NUDT9: variants seen among roughly 807,000 people sequenced by gnomAD.
The protein encoded by NUDT9 is ADP-ribose pyrophosphatase.
Under a neutral mutation model 41.0 loss-of-function variants are expected in NUDT9, and 31 were observed. The observed-to-expected ratio is 0.76, with a 90% CI of 0.57 to 1.02. The LOEUF (loss-of-function observed/expected upper bound fraction) is 1.02, where lower values mean the gene tolerates loss of function less well. Among genes scored for constraint, NUDT9 ranks in the 50% least tolerant of loss-of-function variants. The probability of loss-of-function intolerance (pLI) is 0.00; values close to 1 mark genes in which losing one functional copy is unlikely to be tolerated. For synonymous variants in NUDT9, 146 were observed against 147.6 expected, an observed-to-expected ratio of 0.99 and a Z score of 0.08; for missense variants, 380 against 431.4, an observed-to-expected ratio of 0.88 and a Z score of 1.06.
intron 6 of NUDT9, among the ~76,000 whole-genome samples, chr4:87,453,718 A>G (rs1022735864): frequency 3.9e-5 from 6 of 151,908 alleles, no homozygotes; most frequent in African/African-American, 1.5e-4. Context: ...ATGAGCCACC[A>G]CGCCTGGCCT....
chr4:87,445,933 C>T (rs1345823100), intron 4 of NUDT9, among the ~76,000 whole-genome samples: 8 of 142,958 alleles, frequency 5.6e-5, no homozygotes, highest in Non-Finnish European at 1.2e-4. Context: ...GCATCTCTCT[C>T]TTTTTTTTTT....
intron 4 of NUDT9, among the ~76,000 whole-genome samples, chr4:87,448,454 CT>C (rs1269171342): frequency 6.6e-6 from 1 of 151,912 alleles, no homozygotes; most frequent in Non-Finnish European, 1.5e-5. Context: ...CAAAGCAAAT[CT>C]TACCATGCCT....
At chr4:87,424,212 T>C (rs1421256497) in intron 1 of NUDT9, among the ~76,000 whole-genome samples, 1 of 150,774 alleles carries the variant, frequency 6.6e-6, no homozygotes, top group Non-Finnish European at 1.5e-5. Context: ...TTGAAACCTC[T>C]AGCTCGGCTC....
chr4:87,427,174 A>G (rs1721466535), intron 1 of NUDT9, among the ~76,000 whole-genome samples: 1 of 151,796 alleles, frequency 6.6e-6, no homozygotes, highest in Non-Finnish European at 1.5e-5. Flanking sequence ...AGTTGTGAGG[A>G]TCAAGTGAGT....
At chr4:87,452,656 T>C (rs1434047609) in intron 6 of NUDT9, among the ~76,000 whole-genome samples, 2 of 151,808 alleles carry the variant, frequency 1.3e-5, no homozygotes, top group African/African-American at 4.8e-5. Context: ...GGTTTTACCA[T>C]GTTGTCCAGG....
At chr4:87,435,713 A>G (rs1721900269) in intron 2 of NUDT9, among the ~76,000 whole-genome samples, 1 of 152,186 alleles carries the variant, frequency 6.6e-6, no homozygotes. Flanking sequence ...AGAGGGGGAG[A>G]ATGAGAGAGA....
chr4:87,451,979 A>G (rs28493566), intron 6 of NUDT9, among the ~76,000 whole-genome samples: 18,056 of 152,070 alleles, frequency 0.12, 1,155 homozygotes, highest in East Asian at 0.23. Flanking sequence ...ATCATTTATT[A>G]TAATAACTTT....
chr4:87,436,973 G>A (rs1045380782), intron 2 of NUDT9, among the ~76,000 whole-genome samples: 9 of 152,100 alleles, frequency 5.9e-5, no homozygotes, highest in Non-Finnish European at 1.0e-4. Flanking sequence ...GTTGGGCCAG[G>A]CACAGTGGCT....
intron 4 of NUDT9, among the ~76,000 whole-genome samples, chr4:87,443,504 G>A (rs1722307004): frequency 6.6e-6 from 1 of 152,198 alleles, no homozygotes; most frequent in South Asian, 2.1e-4. Flanking sequence ...TCCTAAGCTG[G>A]TTCTCTGTCA....
chr4:87,457,983 T>C lies in NUDT9; in HGVS notation c.1015T>C (p.Trp339Arg). 6.3e-7 allele frequency: 1 copy of C among 1,584,074 alleles called. No homozygotes were observed. The highest frequency in any genetic ancestry group is 8.6e-7 in the Non-Finnish European group (1 of 1,168,912). The change falls in exon 8 of 8, where the codon TGG becomes CGG. Residue 339 changes from tryptophan to arginine, a missense_variant. By Grantham distance (101) the Trp-to-Arg change is moderately radical (BLOSUM62 -3). Coordinates refer to ENST00000302174, the MANE Select transcript of NUDT9 (RefSeq NM_024047.5). Reference sequence around the variant, plus strand: ...TGTGGCTGAGAAACGAGATGCACACTGGAGCGAGGACTCTGAAGCTGACTG... The same window carrying C: ...TGTGGCTGAGAAACGAGATGCACACCGGAGCGAGGACTCTGAAGCTGACTG... ...KLVAEKRDAHWSEDSEADCHA... is the reference protein window; with the variant it reads ...KLVAEKRDAHRSEDSEADCHA...
Position 87,456,030 on chromosome 4 carries a change from T to C in NUDT9, c.874+1575T>C, listed in dbSNP as rs114422243. Reference sequence around the variant, plus strand: ...AACTAAGGCAAATAGTTCTTTAGCGTGAGGTTTTATGTTTATCTGGCTAGG... The same window carrying C: ...AACTAAGGCAAATAGTTCTTTAGCGCGAGGTTTTATGTTTATCTGGCTAGG... On this transcript the variant is annotated intron_variant, in intron 7 of 7. Coordinates refer to ENST00000302174, the MANE Select transcript of NUDT9 (RefSeq NM_024047.5). 7.8e-3 allele frequency among the ~76,000 whole-genome samples: 1,193 copies of C among 152,212 alleles called. 4 individuals are homozygous for C. The highest frequency in any genetic ancestry group is 0.012 in the Non-Finnish European group (849 of 67,998).
Position 87,458,283 on chromosome 4 carries a change from T to A in NUDT9, c.*262T>A. On this transcript the variant is annotated 3_prime_UTR_variant, in exon 8 of 8. Coordinates refer to ENST00000302174, the MANE Select transcript of NUDT9 (RefSeq NM_024047.5). ...GATTTAAGCATGGCTTAAATTAAATTTAAACAACTAATGCTCTTTGAAGAA... is the reference window on the plus strand; with the variant it reads ...GATTTAAGCATGGCTTAAATTAAATATAAACAACTAATGCTCTTTGAAGAA... 1 of 291,258 alleles carries A rather than the reference T, an allele frequency of 3.4e-6. No homozygotes were observed. The highest frequency in any genetic ancestry group is 6.3e-6 in the Non-Finnish European group (1 of 159,504). The allele number at this position is 291,258 out of a possible 1,614,324, so 18.0% of individuals were successfully genotyped here. A position where few individuals can be genotyped will look rare whatever the true frequency, so the allele number is the denominator to read the frequency against.
chr4:87,444,552 T>C (rs1054949437), intron 4 of NUDT9, among the ~76,000 whole-genome samples: 1 of 152,120 alleles, frequency 6.6e-6, no homozygotes, highest in Non-Finnish European at 1.5e-5. Context: ...AAAAAAAATA[T>C]TAATGGCAGT....
chr4:87,423,091 AT>A, intron 1 of NUDT9, 79 bp downstream of exon 1: 1 of 1,023,032 alleles, frequency 9.8e-7, no homozygotes. Flanking sequence ...TTTCTGGCGT[AT>A]TCTGTAGGCT....
chr4:87,428,173 C>T (rs1314150969), intron 1 of NUDT9, among the ~76,000 whole-genome samples: 2 of 152,134 alleles, frequency 1.3e-5, no homozygotes, highest in African/African-American at 4.8e-5. Flanking sequence ...TGTTTTACCA[C>T]ACTTTGCAGA....
Position 87,422,981 on chromosome 4 carries a change from T to G in NUDT9, c.76T>G (p.Ser26Ala). 6.2e-7 allele frequency: 1 copy of G among 1,613,124 alleles called. No individual in the cohort carries two copies. The highest frequency in any genetic ancestry group is 8.5e-7 in the Non-Finnish European group (1 of 1,179,674). Residue 26 changes from serine to alanine, a missense_variant, in exon 1 of 8, where the codon TCC (serine) becomes GCC (alanine). Ser to Ala is a moderately conservative substitution (Grantham distance 99). Coordinates refer to ENST00000302174, the MANE Select transcript of NUDT9 (RefSeq NM_024047.5). ...SLALASVTIR[S>A]SRCRGIQAFR... ...GGCCTTGGCCTCTGTGACTATCAGG[T>G]CCTCGCGCTGCCGCGGCATCCAGGC...
intron 1 of NUDT9, among the ~76,000 whole-genome samples, chr4:87,431,280 A>T (rs1008048761): frequency 2.0e-5 from 3 of 152,068 alleles, no homozygotes; most frequent in African/African-American, 7.2e-5. Flanking sequence ...CTTCTATTCC[A>T]CTAGTCTATA....
intron 4 of NUDT9, among the ~76,000 whole-genome samples, chr4:87,446,688 CTT>C (rs1447121255): frequency 1.3e-5 from 2 of 152,078 alleles, no homozygotes; most frequent in African/African-American, 4.8e-5. Context: ...AGTTACCTAA[CTT>C]TTCTGTGCCT....
chr4:87,422,668 A>G lies in NUDT9; in HGVS notation c.-238A>G, dbSNP rs1252932284. The G allele has an allele frequency of 2.6e-6, 1 of 381,888 alleles. No homozygotes were observed. The highest frequency in any genetic ancestry group is 2.1e-5 in the African/African-American group (1 of 47,944). 23.7% of individuals were successfully genotyped at this position (381,888 alleles called of 1,614,324 possible). A position where few individuals can be genotyped will look rare whatever the true frequency, so the allele number is the denominator to read the frequency against. On this transcript the variant is annotated 5_prime_UTR_variant, in exon 1 of 8. Transcript: ENST00000302174. ...AGCTGGCGCTGGAGGCTTCGGCGTCACGTGCTGGTCTGGATTTTTCTCGAT... is the reference window on the plus strand; with the variant it reads ...AGCTGGCGCTGGAGGCTTCGGCGTCGCGTGCTGGTCTGGATTTTTCTCGAT...
Sources: gnomAD v4.1 joint callset for allele counts (sites outside exome capture counted in the v4.1 genomes callset) on GRCh38, gnomAD v4.1.1 for gene constraint, MANE v1.5 for transcripts, NCBI Gene and HGNC (gene_info 2026-07-23, HGNC 2026-07-21) for gene names.